NRXN1: variants seen among roughly 807,000 people sequenced by gnomAD.
NRXN1 encodes the protein neurexin 1.
Under a neutral mutation model 150.9 loss-of-function variants are expected in NRXN1, and 39 were observed. The observed-to-expected ratio is 0.26, with a 90% CI of 0.20 to 0.34. NRXN1 has a LOEUF of 0.34. Ranked by LOEUF, NRXN1 falls within the 10% of genes least tolerant of loss-of-function variation. NRXN1 has a pLI of 1.00. For missense variants in NRXN1, 1,815 were observed against 1,949.9 expected, an observed-to-expected ratio of 0.93 and a Z score of 1.30; for synonymous variants, 924 against 757.0, an observed-to-expected ratio of 1.22 and a Z score of -3.62.
At chr2:50,750,738 A>G (rs1700506327) in intron 5 of NRXN1, among the ~76,000 whole-genome samples, 1 of 152,054 alleles carries the variant, frequency 6.6e-6, no homozygotes, top group Non-Finnish European at 1.5e-5. Context: ...AAGTACTGAC[A>G]CAAGCATTAC....
At chr2:50,110,744 T>C (rs1268859375) in intron 18 of NRXN1, among the ~76,000 whole-genome samples, 1 of 152,124 alleles carries the variant, frequency 6.6e-6, no homozygotes, top group Non-Finnish European at 1.5e-5. Context: ...GGTTACCAAA[T>C]AGAATTCAAC....
Position 49,979,916 on chromosome 2 carries a change from T to TC in NRXN1, c.4129-36126dup, listed in dbSNP as rs780924249. Among the ~76,000 whole-genome samples the TC allele has an allele frequency of 3.4e-3, 511 of 151,526 alleles. 7 individuals are homozygous for TC. The highest frequency in any genetic ancestry group is 3.1e-3 in the Non-Finnish European group (211 of 67,862). On this transcript the variant is annotated intron_variant, in intron 21 of 22. Transcript: ENST00000401669. Reference sequence around the variant, plus strand: ...TATATTGTTTTTTTGGTTTTTTTTTTCTGCTACTGTATTCTTGTGGGTTTT... The same window carrying TC: ...TATATTGTTTTTTTGGTTTTTTTTTTCCTGCTACTGTATTCTTGTGGGTTTT...
intron 18 of NRXN1, among the ~76,000 whole-genome samples, chr2:50,230,367 G>C (rs930007813): frequency 1.3e-5 from 2 of 151,980 alleles, no homozygotes; most frequent in Non-Finnish European, 2.9e-5. Context: ...ACACGAAAAG[G>C]GAAAGAGATC....
Position 50,837,097 on chromosome 2 carries a change from A to G in NRXN1, c.832+84772T>C, listed in dbSNP as rs1469841619. On this transcript the variant is annotated intron_variant, in intron 5 of 22. Transcript: ENST00000401669. ...TAAAATAAAACCTACCCTGGTTAAC[A>G]CCGTATCTCCAGAGAAAAACACAAT... Among the ~76,000 whole-genome samples, 3 of 152,110 alleles carry G rather than the reference A, an allele frequency of 2.0e-5. No individual in the cohort carries two copies. The East Asian group carries it at 5.8e-4, about 29-fold the overall frequency.
chr2:50,255,320 T>G (rs1405181004), intron 17 of NRXN1, among the ~76,000 whole-genome samples: 4 of 152,190 alleles, frequency 2.6e-5, no homozygotes, highest in African/African-American at 9.6e-5. Context: ...AGGTTCTCTA[T>G]GGAGAATTTT....
Position 49,921,805 on chromosome 2 carries a change from TAA to T in NRXN1, c.*137_*138del, listed in dbSNP as rs1668251312. On this transcript the variant is annotated 3_prime_UTR_variant, in exon 23 of 23. Transcript: ENST00000401669. ...GCATGAGATACTTGTTTTTATTTTTTAAAAAGTCTTTCCTTCCTGATTGCATT... is the reference window on the plus strand; with the variant it reads ...GCATGAGATACTTGTTTTTATTTTTTAAAGTCTTTCCTTCCTGATTGCATT... 2.2e-6 allele frequency: 2 copies of T among 896,648 alleles called. No individual in the cohort carries two copies. The highest frequency in any genetic ancestry group is 1.9e-5 in the South Asian group (1 of 52,706). The allele number at this position is 896,648 out of a possible 1,614,324, so 55.5% of individuals were successfully genotyped here. A position where few individuals can be genotyped will look rare whatever the true frequency, so the allele number is the denominator to read the frequency against.
chr2:50,958,736 A>G (rs1183438075), intron 2 of NRXN1, among the ~76,000 whole-genome samples: 1 of 152,028 alleles, frequency 6.6e-6, no homozygotes, highest in Non-Finnish European at 1.5e-5. Context: ...ACAATTCTGA[A>G]TGGAAGCAGC....
intron 5 of NRXN1, among the ~76,000 whole-genome samples, chr2:50,772,712 A>G (rs777790120): frequency 2.4e-4 from 37 of 152,266 alleles, no homozygotes; most frequent in Non-Finnish European, 4.3e-4. Context: ...AATTTTTTAT[A>G]TCTCAAATGC....
chr2:50,342,851 G>C (rs954173595), intron 17 of NRXN1, among the ~76,000 whole-genome samples: 2 of 152,220 alleles, frequency 1.3e-5, no homozygotes, highest in African/African-American at 2.4e-5. Flanking sequence ...CTTTGACTCT[G>C]ATCAGACATC....
At chr2:50,870,127 T>C (rs1677550232) in intron 5 of NRXN1, among the ~76,000 whole-genome samples, 1 of 151,912 alleles carries the variant, frequency 6.6e-6, no homozygotes, top group Non-Finnish European at 1.5e-5. Context: ...GAAATCTGTG[T>C]TGGCATATCA....
intron 5 of NRXN1, among the ~76,000 whole-genome samples, chr2:50,775,555 T>C (rs1251783499): frequency 6.6e-6 from 1 of 152,164 alleles, no homozygotes; most frequent in African/African-American, 2.4e-5. Context: ...TTTATGACTT[T>C]GCAGATAACA....
chr2:50,906,863 C>A (rs907934956), intron 5 of NRXN1, among the ~76,000 whole-genome samples: 8 of 152,064 alleles, frequency 5.3e-5, no homozygotes, highest in African/African-American at 1.9e-4. Flanking sequence ...ACATGTGTTG[C>A]GGCTCAGAAC....
chr2:50,073,779 G>A (rs1696645489), intron 19 of NRXN1, among the ~76,000 whole-genome samples: 1 of 152,098 alleles, frequency 6.6e-6, no homozygotes, highest in African/African-American at 2.4e-5. Context: ...TCTCTTTTTA[G>A]GAAGAGTTTG....
intron 17 of NRXN1, among the ~76,000 whole-genome samples, chr2:50,266,745 G>C (rs2068945327): frequency 6.6e-6 from 1 of 151,972 alleles, no homozygotes; most frequent in Non-Finnish European, 1.5e-5. Flanking sequence ...TTGCCTAACA[G>C]ACTCTTCCCT....
intron 5 of NRXN1, among the ~76,000 whole-genome samples, chr2:50,865,214 G>A (rs1676710805): frequency 6.6e-6 from 1 of 151,868 alleles, no homozygotes; most frequent in Admixed American, 6.6e-5. Flanking sequence ...AAATATTCAG[G>A]TATTATCTTT....
intron 17 of NRXN1, among the ~76,000 whole-genome samples, chr2:50,290,185 C>T (rs546660341): frequency 1.3e-5 from 2 of 152,210 alleles, no homozygotes; most frequent in African/African-American, 4.8e-5. Context: ...AGCTCATTTG[C>T]GCAAAATAAT....
chr2:50,047,244 T>C (rs1007220662), intron 21 of NRXN1, among the ~76,000 whole-genome samples: 59 of 152,116 alleles, frequency 3.9e-4, no homozygotes, highest in African/African-American at 1.3e-3. Context: ...TTAGCTTTTC[T>C]ATGCCTCAAT....
chr2:50,443,696 C>A (rs2086162709), intron 17 of NRXN1, among the ~76,000 whole-genome samples: 2 of 152,216 alleles, frequency 1.3e-5, no homozygotes, highest in East Asian at 3.9e-4. Context: ...TGATCCATGC[C>A]ACTGTTTGGT....
At chr2:50,116,099 A>G (rs1703024408) in intron 18 of NRXN1, among the ~76,000 whole-genome samples, 1 of 152,102 alleles carries the variant, frequency 6.6e-6, no homozygotes, top group African/African-American at 2.4e-5. Context: ...AATACAAGGC[A>G]AACAGCAAAA....
Sources: allele counts gnomAD v4.1 joint callset (sites outside exome capture counted in the v4.1 genomes callset), GRCh38; gene constraint gnomAD v4.1.1; transcripts MANE v1.5; gene names NCBI Gene and HGNC (gene_info 2026-07-23, HGNC 2026-07-21).